Variants in EML2 observed in about 807,000 individuals in gnomAD.
EML2 encodes the protein EMAP like 2, also known as echinoderm microtubule-associated protein-like 2.
In EML2, 59 loss-of-function variants were observed where a neutral mutation model predicts 84.7. The ratio of observed to expected loss-of-function variants is 0.70; its 90% CI spans 0.56 to 0.86. The LOEUF is 0.86. EML2 is among the 40% of genes least tolerant of loss of function. The pLI, the probability that EML2 is intolerant of heterozygous loss-of-function variation, is 0.00. For missense variants in EML2, 818 were observed against 855.6 expected (o/e 0.96, Z 0.55); for synonymous variants, 352 against 348.9 (o/e 1.01, Z -0.10).
upstream of EML2, chr19:45,645,326 C>T (rs1479061033): frequency 2.6e-6 from 4 of 1,532,602 alleles, no homozygotes; most frequent in Non-Finnish European, 3.5e-6. Context: ...GAAGGCCGGG[C>T]CGCGCTCCGC....
At chr19:45,618,479 C>A (rs1183756791) in intron 12 of EML2, among the ~76,000 whole-genome samples, 1 of 152,080 alleles carries the variant, frequency 6.6e-6, no homozygotes, top group Non-Finnish European at 1.5e-5. Flanking sequence ...TTGCAGCGGT[C>A]ACACCTTCCT....
chr19:45,625,589 C>G (rs899853475), intron 8 of EML2, among the ~76,000 whole-genome samples: 3 of 152,156 alleles, frequency 2.0e-5, no homozygotes, highest in Non-Finnish European at 4.4e-5. Context: ...TTCATCCTGT[C>G]TCTCCTCCTC....
Position 45,633,153 on chromosome 19 carries a change from G to A in EML2, c.330-14C>T, listed in dbSNP as rs771193111. The A allele has an allele frequency of 8.5e-5, 136 of 1,605,572 alleles. No individual in the cohort carries two copies. Among genetic ancestry groups the A allele is most frequent in the Non-Finnish European group, 1.1e-4 (130 of 1,176,358 alleles). On this transcript the variant is annotated splice_polypyrimidine_tract_variant and intron_variant, in intron 4 of 18. Transcript: ENST00000245925. The stretch of plus-strand genomic sequence containing the variant: ...TGGATGGCCAAGCTGCGGAAAGAAG[G>A]GACAGAGAGACCAGGGCTCAGTGGG...
At chr19:45,626,622 C>A in intron 8 of EML2, 83 bp downstream of exon 8, 3 of 1,493,358 alleles carry the variant, frequency 2.0e-6, no homozygotes, top group Non-Finnish European at 2.7e-6. Context: ...CCCTGCCACC[C>A]TCTGGGGGAT....
upstream of EML2, chr19:45,644,766 G>A (rs746852444): frequency 4.4e-6 from 2 of 456,078 alleles, no homozygotes; most frequent in African/African-American, 2.0e-5. Context: ...CTAGGGAGAA[G>A]GGATGGTGCT....
chr19:45,643,188 C>T (rs1241208329), upstream of EML2, among the ~76,000 whole-genome samples: 7 of 152,160 alleles, frequency 4.6e-5, no homozygotes, highest in Non-Finnish European at 1.0e-4. Flanking sequence ...GTTTCTAAGA[C>T]TTTCCAAGCC....
Position 45,624,722 on chromosome 19 carries a change from T to A in EML2, c.838A>T (p.Lys280Ter). Reference sequence around the variant, plus strand: ...AAACAGATGGGGTGACACTGACCTTTGCCCCAAACATAGAGGTTCCCCCCA... The same window carrying A: ...AAACAGATGGGGTGACACTGACCTTAGCCCCAAACATAGAGGTTCCCCCCA... ...DSGGNLYVWG[K>*]GGNRITQAVL... Residue 280 changes from lysine (K) to a stop codon, truncating the protein, a stop_gained, in exon 9 of 19, where the codon AAA becomes TAA. Coordinates refer to ENST00000245925, the MANE Select transcript of EML2 (RefSeq NM_012155.4). LOFTEE classifies it high-confidence loss of function. 1.9e-6 allele frequency: 3 copies of A among 1,613,224 alleles called. No homozygotes were observed. Among genetic ancestry groups the A allele is most frequent in the Non-Finnish European group, 2.5e-6 (3 of 1,179,442 alleles).
intron 2 of EML2, 35 bp downstream of exon 2, chr19:45,638,810 G>C: frequency 1.2e-6 from 2 of 1,611,658 alleles, no homozygotes; most frequent in Non-Finnish European, 1.7e-6. Context: ...CAACAAGCAA[G>C]CTTCCACCGA....
chr19:45,638,273 C>T (rs558077907), intron 3 of EML2, among the ~76,000 whole-genome samples: 3 of 152,334 alleles, frequency 2.0e-5, no homozygotes, highest in Admixed American at 1.3e-4. Flanking sequence ...CTCCAGAGCC[C>T]GGGCTTCCAG....
intron 18 of EML2, among the ~76,000 whole-genome samples, chr19:45,611,875 G>A (rs1336350499): frequency 6.6e-6 from 1 of 151,780 alleles, no homozygotes; most frequent in Non-Finnish European, 1.5e-5. Flanking sequence ...GGGTTTTTTT[G>A]TTTTTGTTTT....
chr19:45,616,685 C>T (rs1258402031), intron 14 of EML2, 80 bp downstream of exon 14: 16 of 1,451,754 alleles, frequency 1.1e-5, no homozygotes, highest in Non-Finnish European at 1.3e-5. Context: ...GCTTCGCAGG[C>T]TCCACCCCTC....
At chr19:45,617,954 C>T (rs780254381) in intron 12 of EML2, among the ~76,000 whole-genome samples, 2 of 152,240 alleles carry the variant, frequency 1.3e-5, no homozygotes, top group Non-Finnish European at 2.9e-5. Context: ...TAAATTCCCA[C>T]AGCTTTATTC....
chr19:45,641,764 C>T (rs1455024920), upstream of EML2: 1 of 1,535,818 alleles, frequency 6.5e-7, no homozygotes, highest in Non-Finnish European at 8.7e-7. Flanking sequence ...AGAGAGCACA[C>T]AGGTGGGGGC....
chr19:45,637,849 G>C (rs374308406), intron 3 of EML2, among the ~76,000 whole-genome samples: 3 of 151,912 alleles, frequency 2.0e-5, no homozygotes, highest in East Asian at 1.9e-4. Context: ...GCTAATTTTT[G>C]TATTTTTAGT....
chr19:45,644,996 T>TC, upstream of EML2: 1 of 543,222 alleles, frequency 1.8e-6, no homozygotes, highest in Non-Finnish European at 3.3e-6. Context: ...CCCAGGCCGT[T>TC]CCCCCTTCCA....
intron 4 of EML2, 149 bp from the exon 5 acceptor site, chr19:45,633,288 GGGTGC>G: frequency 2.6e-6 from 2 of 774,706 alleles, no homozygotes; most frequent in Non-Finnish European, 2.1e-6. Context: ...GATGCCCTCC[GGGTGC>G]GCTGGCGCTG....
Position 45,617,431 on chromosome 19 carries a change from G to A in EML2, c.1322+199C>T, listed in dbSNP as rs535632025. On this transcript the variant is annotated intron_variant, in intron 13 of 18. Coordinates refer to ENST00000245925, the MANE Select transcript of EML2 (RefSeq NM_012155.4). ...AAATTAGCCAGGCATAGTGGTGGGC[G>A]CCTGTAATCCCAGCTACTCGGGAGG... Among the ~76,000 whole-genome samples the A allele has an allele frequency of 1.7e-3, 266 of 152,158 alleles. 1 individual carries two copies. The highest frequency in any genetic ancestry group is 6.8e-3 in the Middle Eastern group (2 of 294).
intron 12 of EML2, among the ~76,000 whole-genome samples, chr19:45,618,475 C>T (rs1037357879): frequency 2.1e-4 from 32 of 152,056 alleles, no homozygotes; most frequent in African/African-American, 6.5e-4. Flanking sequence ...ACTGTTGCAG[C>T]GGTCACACCT....
upstream of EML2, chr19:45,641,428 G>A (rs1366413400): frequency 3.5e-6 from 2 of 563,444 alleles, no homozygotes; most frequent in African/African-American, 3.8e-5. Flanking sequence ...AAAAACTCTG[G>A]CCACGCCCCT....
Sources: gnomAD v4.1 joint callset for allele counts (sites outside exome capture counted in the v4.1 genomes callset) on GRCh38, gnomAD v4.1.1 for gene constraint, MANE v1.5 for transcripts, NCBI Gene and HGNC (gene_info 2026-07-23, HGNC 2026-07-21) for gene names.